SRPK2: variants seen among roughly 807,000 people sequenced by gnomAD.
The protein encoded by SRPK2 is SFRS protein kinase 2.
SRPK2 carries 21 observed loss-of-function variants against 90.8 expected under a neutral mutation model. The ratio of observed to expected loss-of-function variants is 0.23; its 90% CI spans 0.16 to 0.33. SRPK2 has a LOEUF of 0.33. SRPK2 is among the 10% of genes least tolerant of loss of function. SRPK2 has a pLI of 1.00. For missense variants in SRPK2, 620 were observed against 869.0 expected, an observed-to-expected ratio of 0.71 and a Z score of 3.60; for synonymous variants, 288 against 311.1, an observed-to-expected ratio of 0.93 and a Z score of 0.78.
intron 1 of SRPK2, among the ~76,000 whole-genome samples, chr7:105,396,230 G>A (rs1822318233): frequency 6.6e-6 from 1 of 152,012 alleles, no homozygotes; most frequent in East Asian, 1.9e-4. Context: ...CTTTTAGAAA[G>A]AATGGTAAGT....
intron 2 of SRPK2, among the ~76,000 whole-genome samples, chr7:105,387,411 T>C (rs1821732894): frequency 6.6e-6 from 1 of 152,088 alleles, no homozygotes; most frequent in Non-Finnish European, 1.5e-5. Flanking sequence ...AAAAATCCAG[T>C]CCATTTTAAC....
intron 2 of SRPK2, among the ~76,000 whole-genome samples, chr7:105,290,930 C>T (rs914900599): frequency 2.7e-5 from 4 of 147,000 alleles, no homozygotes; most frequent in Admixed American, 1.4e-4. Flanking sequence ...CCCAGCTACT[C>T]GGGAGGCTGA....
At chr7:105,354,844 T>C (rs947842558) in intron 2 of SRPK2, among the ~76,000 whole-genome samples, 1 of 152,196 alleles carries the variant, frequency 6.6e-6, no homozygotes, top group African/African-American at 2.4e-5. Flanking sequence ...AATTTTACAG[T>C]ATTTTTATCA....
chr7:105,388,774 C>A lies in SRPK2; in HGVS notation c.16+17G>T. 6.6e-7 allele frequency: 1 copy of A among 1,509,668 alleles called. No homozygotes were observed. The highest frequency in any genetic ancestry group is 8.9e-7 in the Non-Finnish European group (1 of 1,127,802). The allele number at this position is 1,509,668 out of a possible 1,614,324, so 93.5% of individuals were successfully genotyped here. A position where few individuals can be genotyped will look rare whatever the true frequency, so the allele number is the denominator to read the frequency against. On this transcript the variant is annotated intron_variant, in intron 1 of 15. Transcript: ENST00000393651. ...CTGGCCGCGTGGCGGGGAGAGGGCG[C>A]GCCGCGGGCCACTCACCTTTCCGGG...
At chr7:105,228,467 T>C (rs1052312762) in intron 2 of SRPK2, among the ~76,000 whole-genome samples, 6 of 152,232 alleles carry the variant, frequency 3.9e-5, no homozygotes, top group Non-Finnish European at 8.8e-5. Flanking sequence ...AAAAGTTCTT[T>C]AGATGTATCC....
At chr7:105,370,730 C>T (rs1017905661) in intron 2 of SRPK2, among the ~76,000 whole-genome samples, 5 of 151,386 alleles carry the variant, frequency 3.3e-5, no homozygotes, top group African/African-American at 1.2e-4. Flanking sequence ...ATTCTCATGC[C>T]TTACCCTCCC....
chr7:105,311,483 T>C (rs1249326100), intron 2 of SRPK2, among the ~76,000 whole-genome samples: 2 of 152,350 alleles, frequency 1.3e-5, no homozygotes, highest in East Asian at 3.9e-4. Context: ...TCTGCCTGCC[T>C]AGGCCTCCCA....
upstream of SRPK2, among the ~76,000 whole-genome samples, chr7:105,393,707 T>C (rs1223369674): frequency 1.3e-5 from 2 of 152,024 alleles, no homozygotes; most frequent in African/African-American, 2.4e-5. Context: ...TTTTAAAATA[T>C]AGAATTCAGT....
intron 3 of SRPK2, among the ~76,000 whole-genome samples, chr7:105,181,939 A>G (rs1792903449): frequency 6.6e-6 from 1 of 151,484 alleles, no homozygotes; most frequent in East Asian, 1.9e-4. Context: ...CTAAAATTCA[A>G]CTGAGATGGC....
At chr7:105,305,173 C>T (rs1811005330) in intron 2 of SRPK2, among the ~76,000 whole-genome samples, 1 of 152,220 alleles carries the variant, frequency 6.6e-6, no homozygotes, top group East Asian at 1.9e-4. Context: ...GGCGCTGTGG[C>T]TCATGCCTGT....
chr7:105,161,194 G>C (rs1807592675), intron 6 of SRPK2, among the ~76,000 whole-genome samples: 1 of 151,944 alleles, frequency 6.6e-6, no homozygotes, highest in African/African-American at 2.4e-5. Context: ...CAAAGTGCTG[G>C]GATTACAGGC....
chr7:105,383,052 A>ATTTTTT lies in SRPK2; in HGVS notation c.71+5595_71+5596insAAAAAA, dbSNP rs1563315577. On this transcript the variant is annotated intron_variant, in intron 2 of 15. Coordinates refer to ENST00000393651, the MANE Select transcript of SRPK2 (RefSeq NM_182692.3). ...AGTCTGAAATTATTTCAAAAGTAAAAATTTTTTTTTTTTTTTTTTTTTTTT... is the reference window on the plus strand; with the variant it reads ...AGTCTGAAATTATTTCAAAAGTAAAATTTTTTATTTTTTTTTTTTTTTTTTTTTTTT... Among the ~76,000 whole-genome samples the ATTTTTT allele has an allele frequency of 9.3e-3, 974 of 105,274 alleles. 200 individuals are homozygous for ATTTTTT. The highest frequency in any genetic ancestry group is 0.042 in the East Asian group (133 of 3,158). 69.1% of individuals were successfully genotyped at this position (105,274 alleles called of 152,430 possible).
chr7:105,376,909 ACT>A (rs1554527993), intron 2 of SRPK2, among the ~76,000 whole-genome samples: 1 of 144,242 alleles, frequency 6.9e-6, no homozygotes, highest in Non-Finnish European at 1.5e-5. Flanking sequence ...ACACACACAC[ACT>A]AAAAAGCTTA....
At chr7:105,150,311 G>C (rs1460325946) in intron 7 of SRPK2, among the ~76,000 whole-genome samples, 2 of 152,208 alleles carry the variant, frequency 1.3e-5, no homozygotes, top group Non-Finnish European at 1.5e-5. Flanking sequence ...TTGAGGCCAG[G>C]AGTGCGAGAC....
intron 2 of SRPK2, among the ~76,000 whole-genome samples, chr7:105,237,536 T>C (rs766738074): frequency 6.6e-6 from 1 of 152,208 alleles, no homozygotes; most frequent in Non-Finnish European, 1.5e-5. Flanking sequence ...CCCAGATAGT[T>C]TTCATCTCTA....
intron 4 of SRPK2, among the ~76,000 whole-genome samples, chr7:105,168,745 ATGTGTGTGTGTG>A (rs58073613): frequency 4.8e-5 from 5 of 104,008 alleles, no homozygotes; most frequent in East Asian, 2.6e-4. Flanking sequence ...CACGCACCAA[ATGTGTGTGTGTG>A]TGTGTGTGTG....
chr7:105,198,948 C>T (rs528177257), intron 3 of SRPK2, among the ~76,000 whole-genome samples: 20 of 152,204 alleles, frequency 1.3e-4, no homozygotes, highest in Admixed American at 1.0e-3. Context: ...TAAGATAACG[C>T]GAGTAGGAAC....
intron 2 of SRPK2, among the ~76,000 whole-genome samples, chr7:105,356,370 G>A (rs1413814480): frequency 6.6e-6 from 1 of 152,126 alleles, no homozygotes; most frequent in Non-Finnish European, 1.5e-5. Context: ...ATGGACAAGA[G>A]ATAATCCCTA....
At chr7:105,217,756 C>T (rs975825366) in intron 2 of SRPK2, among the ~76,000 whole-genome samples, 1 of 152,140 alleles carries the variant, frequency 6.6e-6, no homozygotes, top group African/African-American at 2.4e-5. Flanking sequence ...AAAAATGAGT[C>T]TTTTCTCATG....
Sources: gnomAD v4.1 joint callset for allele counts (sites outside exome capture counted in the v4.1 genomes callset) on GRCh38, gnomAD v4.1.1 for gene constraint, MANE v1.5 for transcripts, NCBI Gene and HGNC (gene_info 2026-07-23, HGNC 2026-07-21) for gene names.